Variants in PLSCR1 observed in about 807,000 individuals in gnomAD.
The protein encoded by PLSCR1 is PL scramblase 1.
A neutral mutation model predicts 37.8 loss-of-function variants in PLSCR1; 17 were observed. The observed-to-expected ratio is 0.45, with a 90% CI of 0.31 to 0.68. The LOEUF is 0.68. Among genes scored for constraint, PLSCR1 ranks in the 30% least tolerant of loss-of-function variants. The pLI, the probability that PLSCR1 is intolerant of heterozygous loss-of-function variation, is 0.06. For synonymous variants in PLSCR1, 116 were observed against 125.9 expected (o/e 0.92, Z 0.53); for missense variants, 347 against 380.9 (o/e 0.91, Z 0.74).
chr3:146,529,783 G>A (rs1385291905), intron 3 of PLSCR1, among the ~76,000 whole-genome samples: 1 of 152,140 alleles, frequency 6.6e-6, no homozygotes, highest in East Asian at 1.9e-4. Flanking sequence ...AAAGTGCTGG[G>A]ATTACAGGCG....
Position 146,522,029 on chromosome 3 carries a change from T to C in PLSCR1, c.380A>G (p.Asn127Ser). The change falls in exon 6 of 9, where the codon AAC (asparagine) becomes AGC (serine). Residue 127 changes from asparagine (N) to serine (S), a missense_variant. Physicochemically the swap from Asn to Ser is conservative, Grantham distance 46. Transcript: ENST00000342435. ...AAAGCTGTTCTTAATTTCATATTTG[T>C]TATTAGTTTCAAAACCTGTTAAAAC... ...LEVLTGFETN[N>S]KYEIKNSFGQ... 6.2e-7 allele frequency: 1 copy of C among 1,605,106 alleles called. No homozygotes were observed. Among genetic ancestry groups the C allele is most frequent in the South Asian group, 1.1e-5 (1 of 90,888 alleles).
chr3:146,532,324 T>C (rs1217234420), intron 3 of PLSCR1, among the ~76,000 whole-genome samples: 1 of 152,204 alleles, frequency 6.6e-6, no homozygotes, highest in Non-Finnish European at 1.5e-5. Flanking sequence ...TTAGAGCAGA[T>C]GTTCTCAACC....
chr3:146,522,013 C>T lies in PLSCR1; in HGVS notation c.396G>A (p.Lys132=), dbSNP rs775168394. ...GFETNNKYEI[K]NSFGQRVYFA... ...AGTAAACCCTCTGTCCAAAGCTGTT[C>T]TTAATTTCATATTTGTTATTAGTTT... The change falls in exon 6 of 9, where the codon AAG becomes AAA. Residue 132 remains lysine (K), a synonymous_variant. Transcript: ENST00000342435. The T allele has an allele frequency of 1.1e-5, 17 of 1,611,774 alleles. No homozygotes were observed. The Admixed American group carries it at 2.2e-4, about 21-fold the overall frequency.
intron 1 of PLSCR1, among the ~76,000 whole-genome samples, chr3:146,537,762 C>G (rs1230249674): frequency 6.6e-6 from 1 of 151,844 alleles, no homozygotes; most frequent in Non-Finnish European, 1.5e-5. Flanking sequence ...CCCAACTACT[C>G]GGGAGGTTGA....
Position 146,525,626 on chromosome 3 carries a change from G to T in PLSCR1, c.334C>A (p.Gln112Lys). 6.6e-7 allele frequency: 1 copy of T among 1,512,918 alleles called. No homozygotes were observed. The highest frequency in any genetic ancestry group is 9.2e-7 in the Non-Finnish European group (1 of 1,091,862). 93.7% of individuals were successfully genotyped at this position (1,512,918 alleles called of 1,614,324 possible). A position where few individuals can be genotyped will look rare whatever the true frequency, so the allele number is the denominator to read the frequency against. ...LSQIDQILIH[Q>K]QIELLEVLTG... is the part of the protein sequence containing the mutation. The stretch of plus-strand genomic sequence containing the variant: ...ATACCTTCCAGAAGTTCAATTTGCT[G>T]ATGAATCAGTATCTGATCTATCTAT... Residue 112 changes from glutamine (Q) to lysine (K), a missense_variant, in exon 5 of 9, where the codon CAG (glutamine) becomes AAG (lysine). Coordinates refer to ENST00000342435, the MANE Select transcript of PLSCR1 (RefSeq NM_021105.3).
At chr3:146,532,765 A>AT (rs1383132181) in intron 3 of PLSCR1, among the ~76,000 whole-genome samples, 1 of 152,140 alleles carries the variant, frequency 6.6e-6, no homozygotes, top group East Asian at 1.9e-4. Flanking sequence ...GGACTTTGCT[A>AT]TTTTTAAAGT....
intron 1 of PLSCR1, among the ~76,000 whole-genome samples, chr3:146,542,231 C>G (rs1209019302): frequency 6.6e-6 from 1 of 152,104 alleles, no homozygotes; most frequent in Non-Finnish European, 1.5e-5. Context: ...GCCAAGTTCC[C>G]TCCAGCCCAG....
At chr3:146,525,715 A>G (rs1238463862) in intron 4 of PLSCR1, 68 bp from the exon 5 acceptor site, 1 of 694,982 alleles carries the variant, frequency 1.4e-6, no homozygotes. Context: ...TAACCAAATT[A>G]AAATTCATGT....
chr3:146,533,690 C>T (rs961224031), intron 2 of PLSCR1, 140 bp from the exon 3 acceptor site: 1 of 449,324 alleles, frequency 2.2e-6, no homozygotes, highest in Non-Finnish European at 3.9e-6. Flanking sequence ...TTTCACTTAA[C>T]GTAAGCTGTG....
At chr3:146,521,795 AACTATTTT>A in intron 6 of PLSCR1, 30 bp downstream of exon 6, 1 of 1,582,160 alleles carries the variant, frequency 6.3e-7, no homozygotes, top group South Asian at 1.1e-5. Context: ...ATTCTTGCTG[AACTATTTT>A]ACAAAGTGCC....
chr3:146,529,650 C>T (rs760875861), intron 3 of PLSCR1, among the ~76,000 whole-genome samples: 23 of 152,070 alleles, frequency 1.5e-4, no homozygotes, highest in Non-Finnish European at 2.4e-4. Flanking sequence ...GTAGCTGGAA[C>T]TACAGGCGCC....
chr3:146,535,759 G>GT (rs977313299), intron 2 of PLSCR1, among the ~76,000 whole-genome samples: 1 of 152,048 alleles, frequency 6.6e-6, no homozygotes, highest in African/African-American at 2.4e-5. Context: ...TTTGAGTTTT[G>GT]TAAGTAAAAA....
chr3:146,528,688 C>A lies in PLSCR1; in HGVS notation c.238G>T (p.Ala80Ser), dbSNP rs770906148. 5 of 1,613,982 alleles carry A rather than the reference C, an allele frequency of 3.1e-6. No individual in the cohort carries two copies. The Admixed American group carries it at 8.3e-5, about 27-fold the overall frequency. ...NQPVYNQPVG[A>S]AGVPWMPAPQ... The stretch of plus-strand genomic sequence containing the variant: ...GCTGGCATCCATGGTACCCCTGCAG[C>A]TCCAACTGGCTGATTATATACTGGC... The change falls in exon 4 of 9, where the codon GCT becomes TCT. Residue 80 changes from alanine (A) to serine (S), a missense_variant. Physicochemically the swap from Ala to Ser is moderately conservative, Grantham distance 99. Coordinates refer to ENST00000342435, the MANE Select transcript of PLSCR1 (RefSeq NM_021105.3).
chr3:146,542,434 A>T (rs2044348935), intron 1 of PLSCR1, among the ~76,000 whole-genome samples: 1 of 152,198 alleles, frequency 6.6e-6, no homozygotes, highest in Non-Finnish European at 1.5e-5. Flanking sequence ...AAATTCTATG[A>T]CGTTCTCACA....
intron 3 of PLSCR1, among the ~76,000 whole-genome samples, chr3:146,531,610 A>G (rs930801734): frequency 2.0e-5 from 3 of 152,242 alleles, no homozygotes; most frequent in African/African-American, 4.8e-5. Flanking sequence ...GAATACTAGT[A>G]TCATTTATGT....
chr3:146,521,029 A>G (rs557520465), intron 7 of PLSCR1, among the ~76,000 whole-genome samples: 1 of 152,298 alleles, frequency 6.6e-6, no homozygotes, highest in South Asian at 2.1e-4. Context: ...AATTTAATAT[A>G]GGGAAAAGGA....
At chr3:146,524,163 C>G (rs1476549450) in intron 5 of PLSCR1, among the ~76,000 whole-genome samples, 1 of 152,166 alleles carries the variant, frequency 6.6e-6, no homozygotes, top group Non-Finnish European at 1.5e-5. Flanking sequence ...CATTCATTAT[C>G]TAATTAATTG....
chr3:146,522,594 T>A lies in PLSCR1; in HGVS notation c.356-541A>T, dbSNP rs555960659. Among the ~76,000 whole-genome samples the A allele has an allele frequency of 9.8e-5, 15 of 152,316 alleles. 1 individual carries two copies. The South Asian group carries it at 3.1e-3, about 32-fold the overall frequency. The stretch of plus-strand genomic sequence containing the variant: ...ACCTCTGCCTAGGAAAGCCAGGTAT[T>A]GTCCAAGGTTTCTCCCCATGTGATA... On this transcript the variant is annotated intron_variant, in intron 5 of 8. Transcript: ENST00000342435.
At chr3:146,528,549 A>C in intron 4 of PLSCR1, 65 bp downstream of exon 4, 1 of 1,283,598 alleles carries the variant, frequency 7.8e-7, no homozygotes, top group Non-Finnish European at 1.1e-6. Context: ...TCATTTGCTA[A>C]TCTGGTTAAG....
Sources: gnomAD v4.1 joint callset for allele counts (sites outside exome capture counted in the v4.1 genomes callset) on GRCh38, gnomAD v4.1.1 for gene constraint, MANE v1.5 for transcripts, NCBI Gene and HGNC (gene_info 2026-07-23, HGNC 2026-07-21) for gene names.